NRXN3: variants seen among roughly 807,000 people sequenced by gnomAD.
NRXN3 encodes neurexin 3.
NRXN3 carries 32 observed loss-of-function variants against 137.6 expected under a neutral mutation model. The observed-to-expected ratio is 0.23, with a 90% CI of 0.18 to 0.31. NRXN3 has a LOEUF of 0.31. Among genes scored for constraint, NRXN3 ranks in the 10% least tolerant of loss-of-function variants. The probability of loss-of-function intolerance (pLI) is 1.00; values close to 1 mark genes in which losing one functional copy is unlikely to be tolerated. For missense variants in NRXN3, 1,574 were observed against 2,062.5 expected, an observed-to-expected ratio of 0.76 and a Z score of 4.59; for synonymous variants, 798 against 784.5, an observed-to-expected ratio of 1.02 and a Z score of -0.29.
intron 15 of NRXN3, among the ~76,000 whole-genome samples, chr14:79,142,702 A>G (rs1368144256): frequency 3.9e-5 from 6 of 152,176 alleles, no homozygotes; most frequent in Non-Finnish European, 8.8e-5. Flanking sequence ...CCTGACAGCC[A>G]TGGGGTGGAC....
intron 1 of NRXN3, among the ~76,000 whole-genome samples, chr14:78,205,248 G>A (rs2062070655): frequency 6.6e-6 from 1 of 152,214 alleles, no homozygotes; most frequent in Non-Finnish European, 1.5e-5. Flanking sequence ...AAGCATAATG[G>A]GGACAGAATT....
At chr14:79,755,955 C>G (rs1044091224) in intron 19 of NRXN3, among the ~76,000 whole-genome samples, 6 of 151,916 alleles carry the variant, frequency 3.9e-5, no homozygotes, top group Non-Finnish European at 8.8e-5. Flanking sequence ...ATGGTCAGTC[C>G]CCACTCTTAT....
intron 15 of NRXN3, among the ~76,000 whole-genome samples, chr14:79,435,174 A>G (rs2095824557): frequency 6.6e-6 from 1 of 152,130 alleles, no homozygotes; most frequent in South Asian, 2.1e-4. Context: ...AAGGAAGGAA[A>G]TGATTAGAAG....
intron 15 of NRXN3, among the ~76,000 whole-genome samples, chr14:79,354,991 C>T (rs1194739418): frequency 2.0e-5 from 3 of 151,990 alleles, no homozygotes; most frequent in East Asian, 3.9e-4. Flanking sequence ...ATTCGACTTG[C>T]GGAGTTAGGT....
At chr14:78,431,390 G>A (rs2093873512) in intron 4 of NRXN3, among the ~76,000 whole-genome samples, 1 of 152,214 alleles carries the variant, frequency 6.6e-6, no homozygotes, top group Non-Finnish European at 1.5e-5. Flanking sequence ...TGTATGCAAT[G>A]TGATGTTCCC....
intron 15 of NRXN3, chr14:79,280,018 T>C: frequency 8.1e-7 from 1 of 1,237,520 alleles, no homozygotes; most frequent in Admixed American, 4.1e-5. Context: ...CGGGGCTCCG[T>C]AGGAGGTTTG....
At chr14:78,353,423 A>AT (rs2083836392) in intron 4 of NRXN3, among the ~76,000 whole-genome samples, 1 of 152,142 alleles carries the variant, frequency 6.6e-6, no homozygotes, top group South Asian at 2.1e-4. Context: ...GGTTCATAGC[A>AT]TTTTCTTGCT....
At chr14:79,681,901 T>C (rs886726048) in intron 17 of NRXN3, among the ~76,000 whole-genome samples, 4 of 152,302 alleles carry the variant, frequency 2.6e-5, no homozygotes, top group Admixed American at 6.5e-5. Flanking sequence ...TCCTTTCTTT[T>C]CTTTAGGACA....
intron 15 of NRXN3, among the ~76,000 whole-genome samples, chr14:79,315,098 T>G (rs914090494): frequency 6.6e-6 from 1 of 152,212 alleles, no homozygotes; most frequent in Non-Finnish European, 1.5e-5. Context: ...ATGTATCTAA[T>G]TTCCCTCATT....
chr14:78,741,407 C>G (rs922866183), intron 8 of NRXN3, among the ~76,000 whole-genome samples: 2 of 152,166 alleles, frequency 1.3e-5, no homozygotes, highest in Non-Finnish European at 2.9e-5. Flanking sequence ...AAAACCTCAC[C>G]AGCATTGCAA....
At position 79,865,168 on chromosome 14, in the gene NRXN3, AG is replaced by A. The variant is rs1425542632; in HGVS notation, c.*3205del. ...AGTGCCATAAGCACTAGAAAGTCTT[AG>A]ATGTCTTCTTTCCAAGCCTCCCACC... On this transcript the variant is annotated 3_prime_UTR_variant, in exon 21 of 21. Coordinates refer to ENST00000335750, the MANE Select transcript of NRXN3 (RefSeq NM_001330195.2). The A allele has an allele frequency of 2.6e-5, 4 of 152,232 alleles. No homozygotes were observed. The highest frequency in any genetic ancestry group is 9.7e-5 in the African/African-American group (4 of 41,448). 9.4% of individuals were successfully genotyped at this position (152,232 alleles called of 1,614,324 possible).
chr14:79,541,798 G>T (rs2097275665), intron 16 of NRXN3, among the ~76,000 whole-genome samples: 1 of 152,158 alleles, frequency 6.6e-6, no homozygotes, highest in Admixed American at 6.5e-5. Flanking sequence ...GTTACTCATT[G>T]TTTCGATGAG....
chr14:79,843,493 G>A (rs574744627), intron 20 of NRXN3, among the ~76,000 whole-genome samples: 1 of 152,234 alleles, frequency 6.6e-6, no homozygotes, highest in South Asian at 2.1e-4. Context: ...GATGTTTGCT[G>A]CACTGACTGA....
At chr14:79,204,330 T>A (rs776979001) in intron 15 of NRXN3, among the ~76,000 whole-genome samples, 21 of 151,604 alleles carry the variant, frequency 1.4e-4, no homozygotes, top group Non-Finnish European at 2.8e-4. Flanking sequence ...TACCTCTTTC[T>A]CCCTCACCCT....
intron 16 of NRXN3, among the ~76,000 whole-genome samples, chr14:79,492,718 T>G (rs1010840279): frequency 2.0e-5 from 3 of 152,156 alleles, no homozygotes; most frequent in Non-Finnish European, 4.4e-5. Context: ...ATCAATGAAA[T>G]TTTCAAAGAA....
chr14:79,167,858 G>A (rs1297434699), intron 15 of NRXN3, among the ~76,000 whole-genome samples: 1 of 151,138 alleles, frequency 6.6e-6, no homozygotes, highest in Non-Finnish European at 1.5e-5. Context: ...GATATATCAG[G>A]TACCATCTGG....
rs76631421 is a variant in NRXN3, at chr14:79,152,864, C to T, written c.3262+164723C>T. Among the ~76,000 whole-genome samples the T allele has an allele frequency of 2.5e-3, 382 of 152,080 alleles. 1 individual carries two copies. Among genetic ancestry groups the T allele is most frequent in the African/African-American group, 9.0e-3 (372 of 41,530 alleles). On this transcript the variant is annotated intron_variant, in intron 15 of 20. Transcript: ENST00000335750. ...TGTGAAGAAAAGGCAATTGTGGAAACTTTACTTAAAAAGTGTAATGTCAAT... is the reference window on the plus strand; with the variant it reads ...TGTGAAGAAAAGGCAATTGTGGAAATTTTACTTAAAAAGTGTAATGTCAAT...
At chr14:79,844,329 AT>A (rs560387012) in intron 20 of NRXN3, among the ~76,000 whole-genome samples, 245 of 150,468 alleles carry the variant, frequency 1.6e-3, no homozygotes, top group African/African-American at 5.7e-3. Flanking sequence ...TGAATCACAA[AT>A]GTTCTTAATG....
At chr14:79,008,764 T>A (rs1283930599) in intron 15 of NRXN3, among the ~76,000 whole-genome samples, 1 of 151,866 alleles carries the variant, frequency 6.6e-6, no homozygotes, top group East Asian at 1.9e-4. Flanking sequence ...GTTAAACTGA[T>A]TCTCCTGCCT....
Sources: gnomAD v4.1 joint callset for allele counts (sites outside exome capture counted in the v4.1 genomes callset) on GRCh38, gnomAD v4.1.1 for gene constraint, MANE v1.5 for transcripts, NCBI Gene and HGNC (gene_info 2026-07-23, HGNC 2026-07-21) for gene names.